Variants in PSD3 observed in about 807,000 individuals in gnomAD.
The protein encoded by PSD3 is pleckstrin and Sec7 domain containing 3.
PSD3 carries 49 observed loss-of-function variants against 105.5 expected under a neutral mutation model. That is an observed-to-expected ratio of 0.46 (90% confidence interval 0.37 to 0.59). The LOEUF (loss-of-function observed/expected upper bound fraction) is 0.59. Ranked by LOEUF, PSD3 falls within the 20% of genes least tolerant of loss-of-function variation. The probability of loss-of-function intolerance (pLI) is 0.00; values close to 1 mark genes in which losing one functional copy is unlikely to be tolerated. For missense variants in PSD3, 1,561 were observed against 1,263.8 expected (o/e 1.24, Z -3.57); for synonymous variants, 557 against 457.8 (o/e 1.22, Z -2.77).
intron 9 of PSD3, among the ~76,000 whole-genome samples, chr8:18,732,440 T>G (rs1184714824): frequency 6.6e-6 from 1 of 152,218 alleles, no homozygotes. Flanking sequence ...TCTGCACAAG[T>G]GCAGTCTGGG....
chr8:18,573,558 T>C (rs1563335967), intron 13 of PSD3, among the ~76,000 whole-genome samples: 1 of 124,502 alleles, frequency 8.0e-6, no homozygotes, highest in Non-Finnish European at 1.8e-5. Flanking sequence ...ACAATCCAAA[T>C]TGTCCAGTAA....
In PSD3 at chr8:19,013,551, C is replaced by G. The variant is rs748901051; in HGVS notation, c.21+12G>C. ...GCGCACCCCGCGCCCGCGCCCCGGCCCCGGAGCTCACCGCTGCGCTCCTTC... is the reference window on the plus strand; with the variant it reads ...GCGCACCCCGCGCCCGCGCCCCGGCGCCGGAGCTCACCGCTGCGCTCCTTC... On this transcript the variant is annotated intron_variant, in intron 1 of 15. Transcript: ENST00000327040. 119 of 1,568,678 alleles carry G rather than the reference C, an allele frequency of 7.6e-5. No homozygotes were observed. The highest frequency in any genetic ancestry group is 9.9e-5 in the Non-Finnish European group (115 of 1,165,914).
intron 2 of PSD3, among the ~76,000 whole-genome samples, chr8:18,875,598 G>A (rs1372682678): frequency 6.6e-5 from 10 of 151,426 alleles, no homozygotes; most frequent in Admixed American, 6.6e-5. Context: ...GTGCAGTGGC[G>A]CGATCTCGGC....
At chr8:19,042,699 A>C (rs370207924) in intron 1 of PSD3, among the ~76,000 whole-genome samples, 1 of 152,224 alleles carries the variant, frequency 6.6e-6, no homozygotes, top group African/African-American at 2.4e-5. Flanking sequence ...GAAGAGCTTG[A>C]AGGCATATCA....
At chr8:18,813,582 G>T (rs1586098401) in intron 4 of PSD3, among the ~76,000 whole-genome samples, 1 of 152,166 alleles carries the variant, frequency 6.6e-6, no homozygotes, top group East Asian at 1.9e-4. Context: ...CCCTTCATTT[G>T]TTCAGGAAAT....
chr8:18,707,857 T>C (rs1801995116), intron 9 of PSD3, among the ~76,000 whole-genome samples: 1 of 152,198 alleles, frequency 6.6e-6, no homozygotes, highest in Non-Finnish European at 1.5e-5. Flanking sequence ...AGACAGATAC[T>C]GATGTCTTCC....
At position 18,871,872 on chromosome 8, in the gene PSD3, G is replaced by A. The variant is rs369733644; in HGVS notation, c.992C>T (p.Ser331Phe). ...TTTGGAAGACTCTTTGCTGTCAGGA[G>A]AGGCTGTTCTTTGCAGTGATGTCTC... ...DFETSLQRTASPDSKESSKVP... is the reference protein window; with the variant it reads ...DFETSLQRTAFPDSKESSKVP... Residue 331 changes from serine to phenylalanine, a missense_variant, in exon 3 of 16, where the codon TCT becomes TTT. Transcript: ENST00000327040. 1.9e-6 allele frequency: 3 copies of A among 1,614,116 alleles called. No homozygotes were observed. The highest frequency in any genetic ancestry group is 2.7e-5 in the African/African-American group (2 of 74,936).
At chr8:18,651,335 G>A (rs189355587) in intron 10 of PSD3, among the ~76,000 whole-genome samples, 111 of 152,244 alleles carry the variant, frequency 7.3e-4, no homozygotes, top group African/African-American at 2.4e-3. Flanking sequence ...TAATTCTATC[G>A]TGATTTCCTC....
chr8:18,607,905 G>A (rs976833453), intron 11 of PSD3, among the ~76,000 whole-genome samples: 1 of 151,992 alleles, frequency 6.6e-6, no homozygotes, highest in Non-Finnish European at 1.5e-5. Flanking sequence ...GAGAAGTGCC[G>A]AGCAAAAAGG....
intron 2 of PSD3, among the ~76,000 whole-genome samples, chr8:18,898,494 T>C (rs1819294847): frequency 6.6e-6 from 1 of 152,108 alleles, no homozygotes; most frequent in African/African-American, 2.4e-5. Context: ...CAGTTGACCT[T>C]TGAATAAGAT....
intron 9 of PSD3, chr8:18,733,355 G>C (rs542279781): frequency 6.6e-6 from 1 of 152,374 alleles, no homozygotes; most frequent in South Asian, 2.1e-4. Flanking sequence ...AGGTGAAAAA[G>C]GAAACTGATA....
chr8:18,956,869 C>T (rs1823602212), intron 1 of PSD3, among the ~76,000 whole-genome samples: 1 of 152,108 alleles, frequency 6.6e-6, no homozygotes, highest in Non-Finnish European at 1.5e-5. Context: ...GGCCACACCC[C>T]AAGGCTCCTG....
chr8:18,821,718 C>T (rs1812732842), intron 4 of PSD3, among the ~76,000 whole-genome samples: 1 of 64,490 alleles, frequency 1.6e-5, no homozygotes, highest in Admixed American at 2.1e-4. Context: ...CACACACACA[C>T]CCCAATAACA....
intron 12 of PSD3, among the ~76,000 whole-genome samples, chr8:18,598,675 C>A (rs1466807354): frequency 6.6e-6 from 1 of 152,024 alleles, no homozygotes; most frequent in Non-Finnish European, 1.5e-5. Context: ...TCCCCAAAAA[C>A]CTATTAGAAT....
chr8:19,022,824 T>A (rs1488610809), intron 1 of PSD3, among the ~76,000 whole-genome samples: 1 of 151,006 alleles, frequency 6.6e-6, no homozygotes, highest in Non-Finnish European at 1.5e-5. Flanking sequence ...TTGATTTGAC[T>A]GACAAGGGAT....
intron 14 of PSD3, among the ~76,000 whole-genome samples, chr8:18,564,682 G>C (rs977288482): frequency 6.6e-6 from 1 of 150,946 alleles, no homozygotes. Context: ...CTTTATGACA[G>C]AAACTGTGGA....
chr8:18,574,157 G>C (rs1261392148), intron 13 of PSD3, among the ~76,000 whole-genome samples: 2 of 151,842 alleles, frequency 1.3e-5, no homozygotes, highest in African/African-American at 4.8e-5. Flanking sequence ...TAAACAAAAA[G>C]TAAAAAAAAA....
chr8:18,549,518 G>A (rs192218296), intron 15 of PSD3, among the ~76,000 whole-genome samples: 72 of 152,104 alleles, frequency 4.7e-4, no homozygotes, highest in Non-Finnish European at 9.4e-4. Flanking sequence ...CCTATTCTCA[G>A]ATTTTATAAT....
At chr8:18,839,917 C>G (rs1297498113) in intron 4 of PSD3, among the ~76,000 whole-genome samples, 1 of 152,152 alleles carries the variant, frequency 6.6e-6, no homozygotes, top group Non-Finnish European at 1.5e-5. Context: ...GGTTATCTCA[C>G]CCACATCATT....
Sources: allele counts gnomAD v4.1 joint callset (sites outside exome capture counted in the v4.1 genomes callset), GRCh38; gene constraint gnomAD v4.1.1; transcripts MANE v1.5; gene names NCBI Gene and HGNC (gene_info 2026-07-23, HGNC 2026-07-21).